ENTPD1: variants seen among roughly 807,000 people sequenced by gnomAD.
The protein encoded by ENTPD1 is ectonucleoside triphosphate diphosphohydrolase 1.
A neutral mutation model predicts 57.0 loss-of-function variants in ENTPD1; 33 were observed. The ratio of observed to expected loss-of-function variants is 0.58; its 90% CI spans 0.44 to 0.77. The LOEUF (loss-of-function observed/expected upper bound fraction) is 0.77. Ranked by LOEUF, ENTPD1 falls within the 30% of genes least tolerant of loss-of-function variation. The pLI is 0.00. For synonymous variants in ENTPD1, 202 were observed against 218.8 expected (o/e 0.92, Z 0.68); for missense variants, 501 against 603.4 (o/e 0.83, Z 1.78).
At position 95,842,425 on chromosome 10, in the gene ENTPD1, T is replaced by A; in HGVS notation, c.344T>A (p.Val115Glu). The part of the protein sequence containing the change: ...LTDCMERARE[V>E]IPRSQHQETP... ...GATTGCATGGAAAGAGCTAGGGAAG[T>A]GATTCCAAGGTCCCAGCACCAAGAG... The change falls in exon 4 of 10, where the codon GTG becomes GAG. Residue 115 changes from valine (V) to glutamate (E), a missense_variant. By Grantham distance (121) the Val-to-Glu change is moderately radical. Transcript: ENST00000371205. 6.2e-7 allele frequency: 1 copy of A among 1,614,118 alleles called. No homozygotes were observed. The highest frequency in any genetic ancestry group is 8.5e-7 in the Non-Finnish European group (1 of 1,179,998).
Position 95,872,623 on chromosome 10 carries a change from G to T in ENTPD1, c.*6240G>T. On this transcript the variant is annotated 3_prime_UTR_variant, in exon 10 of 10. Coordinates refer to ENST00000371205, the MANE Select transcript of ENTPD1 (RefSeq NM_001776.6). ...TTCAGTGTCTGGGTGAAGCTTCCTG[G>T]TGAAAAATATGTTACCTATTTCTTT... The T allele has an allele frequency of 1.0e-6, 1 of 985,318 alleles. No individual in the cohort carries two copies. Among genetic ancestry groups the T allele is most frequent in the Non-Finnish European group, 1.2e-6 (1 of 829,918 alleles). The allele number at this position is 985,318 out of a possible 1,614,324, so 61.0% of individuals were successfully genotyped here.
At chr10:95,786,357 A>T (rs1189781964) in intron 1 of ENTPD1, among the ~76,000 whole-genome samples, 1 of 152,128 alleles carries the variant, frequency 6.6e-6, no homozygotes, top group African/African-American at 2.4e-5. Flanking sequence ...GCAATGGAGG[A>T]TGGAGGGTAC....
intron 2 of ENTPD1, among the ~76,000 whole-genome samples, chr10:95,826,571 CAAA>C (rs35615283): frequency 0.45 from 48,705 of 107,268 alleles, 8,710 homozygotes; most frequent in Admixed American, 0.56. Context: ...GACGCCAACT[CAAA>C]AAAAAAAAAA....
chr10:95,772,727 C>T (rs1026396287), intron 1 of ENTPD1, among the ~76,000 whole-genome samples: 8 of 152,182 alleles, frequency 5.3e-5, no homozygotes, highest in Non-Finnish European at 1.2e-4. Flanking sequence ...TCCCATGAAT[C>T]ATGAATGTTC....
At chr10:95,769,267 G>T (rs1294546329) in intron 1 of ENTPD1, among the ~76,000 whole-genome samples, 1 of 152,216 alleles carries the variant, frequency 6.6e-6, no homozygotes, top group Non-Finnish European at 1.5e-5. Flanking sequence ...TAGGGAGTGA[G>T]CTCCTGTTCC....
chr10:95,811,500 G>C (rs2098307303), intron 1 of ENTPD1, among the ~76,000 whole-genome samples: 1 of 152,076 alleles, frequency 6.6e-6, no homozygotes, highest in African/African-American at 2.4e-5. Flanking sequence ...GTCCCCTCCT[G>C]CCTCAGCCTC....
At chr10:95,836,614 A>G (rs1023173655) in intron 2 of ENTPD1, among the ~76,000 whole-genome samples, 3 of 152,202 alleles carry the variant, frequency 2.0e-5, no homozygotes, top group Non-Finnish European at 2.9e-5. Flanking sequence ...ATATTTAAAT[A>G]TAAGCTACAG....
Position 95,736,811 on chromosome 10 carries a change from A to C in ENTPD1, c.37+24818A>C, listed in dbSNP as rs117205813. On this transcript the variant is annotated intron_variant, in intron 1 of 9. Transcript: ENST00000453258. ...CCCCAACCCTTAACTAATGACTGAT[A>C]GGTGCAAAAATATAAACTTCAGCTC... is the stretch of plus-strand genomic sequence containing the variant. 6.4e-4 allele frequency among the ~76,000 whole-genome samples: 97 copies of C among 152,304 alleles called. 2 individuals are homozygous for C. In the East Asian group the frequency reaches 0.016, roughly 24 times the overall value.
chr10:95,871,697 TTG>T lies in ENTPD1; in HGVS notation c.*5315_*5316del. On this transcript the variant is annotated 3_prime_UTR_variant, in exon 10 of 10. Coordinates refer to ENST00000371205, the MANE Select transcript of ENTPD1 (RefSeq NM_001776.6). ...TATTTTACATAAATTAAGTTATAAA[TTG>T]ACACTATAATCAACTGACACCATGA... is the stretch of plus-strand genomic sequence containing the variant. 2.0e-6 allele frequency: 2 copies of T among 985,400 alleles called. No homozygotes were observed. The highest frequency in any genetic ancestry group is 2.4e-6 in the Non-Finnish European group (2 of 829,890). The allele number at this position is 985,400 out of a possible 1,614,324, so 61.0% of individuals were successfully genotyped here. A position where few individuals can be genotyped will look rare whatever the true frequency, so the allele number is the denominator to read the frequency against.
intron 1 of ENTPD1, among the ~76,000 whole-genome samples, chr10:95,748,271 C>G (rs1284091557): frequency 1.3e-5 from 2 of 152,194 alleles, no homozygotes; most frequent in South Asian, 2.1e-4. Flanking sequence ...TACCCAAGTC[C>G]ATTTTGCATA....
At chr10:95,755,238 C>T (rs1223350983), upstream of ENTPD1, 1 of 159,636 alleles carries the variant, frequency 6.3e-6, no homozygotes, top group Non-Finnish European at 1.4e-5. Context: ...GGCTTAACCT[C>T]TCCACATCTC....
chr10:95,724,819 A>C lies in ENTPD1; in HGVS notation c.37+12826A>C, dbSNP rs186485282. Among the ~76,000 whole-genome samples, 28 of 152,330 alleles carry C rather than the reference A, an allele frequency of 1.8e-4. 1 individual carries two copies. Among genetic ancestry groups the C allele is most frequent in the Admixed American group, 1.6e-3 (25 of 15,310 alleles). On this transcript the variant is annotated intron_variant, in intron 1 of 9. Transcript: ENST00000453258. The stretch of plus-strand genomic sequence containing the variant: ...AGAGTGTGCAGTTGCAAGATTTAAT[A>C]GAGTGAAAACAGAGCTCCCATAAAA...
At chr10:95,833,300 T>G (rs1566211107) in intron 2 of ENTPD1, among the ~76,000 whole-genome samples, 1 of 152,080 alleles carries the variant, frequency 6.6e-6, no homozygotes, top group Non-Finnish European at 1.5e-5. Flanking sequence ...TTACAGCAAT[T>G]AAAAAATAAG....
chr10:95,835,217 C>T (rs1255997267), intron 2 of ENTPD1, among the ~76,000 whole-genome samples: 3 of 152,238 alleles, frequency 2.0e-5, no homozygotes, highest in Middle Eastern at 3.4e-3. Context: ...TGTGTTAATT[C>T]GCTTAGGGTA....
chr10:95,843,457 G>A (rs1391832339), intron 4 of ENTPD1, among the ~76,000 whole-genome samples: 4 of 152,168 alleles, frequency 2.6e-5, no homozygotes, highest in African/African-American at 9.7e-5. Context: ...GCACTTAATT[G>A]CACTGTCATA....
chr10:95,780,671 A>G (rs1230378666), intron 1 of ENTPD1, among the ~76,000 whole-genome samples: 5 of 152,238 alleles, frequency 3.3e-5, no homozygotes, highest in Admixed American at 3.3e-4. Context: ...CATTGTGTCC[A>G]AGAGAGGAAC....
chr10:95,800,032 T>C (rs1482503516), intron 1 of ENTPD1, among the ~76,000 whole-genome samples: 2 of 152,348 alleles, frequency 1.3e-5, no homozygotes, highest in East Asian at 3.9e-4. Flanking sequence ...TATTAGATCT[T>C]TGTTGGATGC....
intron 1 of ENTPD1, among the ~76,000 whole-genome samples, chr10:95,741,102 TTTTAGCC>T (rs2097999904): frequency 6.6e-6 from 1 of 152,232 alleles, no homozygotes; most frequent in Non-Finnish European, 1.5e-5. Context: ...GCAGCTTAGC[TTTTAGCC>T]TGTCTCAGCT....
At position 95,860,519 on chromosome 10, in the gene ENTPD1, G is replaced by GA; in HGVS notation, c.1128dup (p.Val377SerfsTer8). Reference sequence around the variant, plus strand: ...TGAAGTTTTTAAACTTGACATCAGAGAAAGTCTCTCAGGAAAAGGTGACTG... The same window carrying GA: ...TGAAGTTTTTAAACTTGACATCAGAGAAAAGTCTCTCAGGAAAAGGTGACTG... On this transcript the variant is annotated frameshift_variant, in exon 8 of 10. Coordinates refer to ENST00000371205, the MANE Select transcript of ENTPD1 (RefSeq NM_001776.6). LOFTEE classifies it high-confidence loss of function. 1 of 1,614,026 alleles carries GA rather than the reference G, an allele frequency of 6.2e-7. No individual in the cohort carries two copies. Among genetic ancestry groups the GA allele is most frequent in the African/African-American group, 1.3e-5 (1 of 75,050 alleles).
Sources: gnomAD v4.1 joint callset for allele counts (sites outside exome capture counted in the v4.1 genomes callset) on GRCh38, gnomAD v4.1.1 for gene constraint, MANE v1.5 for transcripts, NCBI Gene and HGNC (gene_info 2026-07-23, HGNC 2026-07-21) for gene names.